CHST11: variants seen among roughly 807,000 people sequenced by gnomAD.
CHST11 encodes C4S-1.
A neutral mutation model predicts 30.4 loss-of-function variants in CHST11; 9 were observed. That is an observed-to-expected ratio of 0.30 (90% confidence interval 0.18 to 0.52). CHST11 has a LOEUF of 0.52. Among genes scored for constraint, CHST11 ranks in the 20% least tolerant of loss-of-function variants. CHST11 has a pLI of 0.97. For missense variants in CHST11, 348 were observed against 460.6 expected, an observed-to-expected ratio of 0.76 and a Z score of 2.24; for synonymous variants, 152 against 187.8, an observed-to-expected ratio of 0.81 and a Z score of 1.56.
At chr12:104,732,511 C>A (rs994952761) in intron 2 of CHST11, among the ~76,000 whole-genome samples, 3 of 152,200 alleles carry the variant, frequency 2.0e-5, no homozygotes, top group African/African-American at 7.2e-5. Flanking sequence ...GACCTTCTTG[C>A]CCTATCTCTG....
chr12:104,607,005 G>A lies in CHST11; in HGVS notation c.204+5014G>A, dbSNP rs146391122. On this transcript the variant is annotated intron_variant, in intron 2 of 2. Coordinates refer to ENST00000303694, the MANE Select transcript of CHST11 (RefSeq NM_018413.6). ...ACCTGGGAGGCGGAGGTTGCAGTGA[G>A]CCAAGATCATGCCCCTACACTCCAG... 3.4e-3 allele frequency among the ~76,000 whole-genome samples: 524 copies of A among 152,178 alleles called. 6 individuals are homozygous for A. Among genetic ancestry groups the A allele is most frequent in the African/African-American group, 0.012 (498 of 41,510 alleles).
chr12:104,725,531 T>A (rs887478284), intron 2 of CHST11, among the ~76,000 whole-genome samples: 11 of 151,756 alleles, frequency 7.2e-5, no homozygotes, highest in South Asian at 2.1e-4. Flanking sequence ...TTTTTTTTTT[T>A]TAATTCTGAG....
chr12:104,651,872 C>T (rs1199993285), intron 2 of CHST11, among the ~76,000 whole-genome samples: 2 of 152,226 alleles, frequency 1.3e-5, no homozygotes, highest in Non-Finnish European at 2.9e-5. Context: ...AGCTCCCAAT[C>T]GATGCATTTG....
rs967458214 is a variant in CHST11, at chr12:104,644,274, T to C, written c.204+42283T>C. The stretch of plus-strand genomic sequence containing the variant: ...CCCTGCATCTGGGTGGACTCCCGCA[T>C]GCACTTGCTGCATTTCGTCTCAGGT... On this transcript the variant is annotated intron_variant, in intron 2 of 2. Coordinates refer to ENST00000303694, the MANE Select transcript of CHST11 (RefSeq NM_018413.6). Among the ~76,000 whole-genome samples, 16 of 152,302 alleles carry C rather than the reference T, an allele frequency of 1.1e-4. No homozygotes were observed. The East Asian group carries it at 3.1e-3, about 29-fold the overall frequency.
At chr12:104,479,893 G>A (rs2037602837) in intron 1 of CHST11, among the ~76,000 whole-genome samples, 1 of 152,210 alleles carries the variant, frequency 6.6e-6, no homozygotes, top group South Asian at 2.1e-4. Flanking sequence ...AGTGGGAAGA[G>A]GGAGAGAGGT....
intron 1 of CHST11, among the ~76,000 whole-genome samples, chr12:104,531,479 AAG>A (rs199768769): frequency 4.7e-4 from 68 of 145,400 alleles, no homozygotes; most frequent in African/African-American, 1.2e-3. Context: ...AAAAAAAAAA[AAG>A]AGAGAGAGAG....
chr12:104,685,620 T>A (rs913471096), intron 2 of CHST11, among the ~76,000 whole-genome samples: 1 of 152,260 alleles, frequency 6.6e-6, no homozygotes, highest in Non-Finnish European at 1.5e-5. Flanking sequence ...GTAGGACTAC[T>A]GTGAGGATTA....
intron 2 of CHST11, among the ~76,000 whole-genome samples, chr12:104,690,184 C>G (rs368656355): frequency 6.6e-6 from 1 of 152,174 alleles, no homozygotes; most frequent in East Asian, 1.9e-4. Context: ...TAAAATAACA[C>G]AGTACCTATA....
intron 2 of CHST11, among the ~76,000 whole-genome samples, chr12:104,750,470 C>G (rs1039560964): frequency 2.3e-5 from 1 of 43,160 alleles, no homozygotes; most frequent in Admixed American, 3.9e-4. Flanking sequence ...GAGACTGAGT[C>G]TCGCTCTGTC....
chr12:104,702,803 G>A (rs1592847727), intron 2 of CHST11, among the ~76,000 whole-genome samples: 1 of 152,188 alleles, frequency 6.6e-6, no homozygotes, highest in African/African-American at 2.4e-5. Flanking sequence ...CCAATTCGAC[G>A]TTTCTCCAAG....
chr12:104,487,927 G>A (rs1423563917), intron 1 of CHST11, among the ~76,000 whole-genome samples: 1 of 142,280 alleles, frequency 7.0e-6, no homozygotes, highest in Non-Finnish European at 1.5e-5. Flanking sequence ...TTTATTTTTT[G>A]AGACAGAGCC....
intron 1 of CHST11, among the ~76,000 whole-genome samples, chr12:104,482,535 A>AAAATTGG: frequency 6.6e-6 from 1 of 152,022 alleles, no homozygotes; most frequent in South Asian, 2.1e-4. Flanking sequence ...GGCTTTTCCC[A>AAAATTGG]CAGAGGAAAG....
At chr12:104,516,953 T>TA (rs1287663097) in intron 1 of CHST11, among the ~76,000 whole-genome samples, 1 of 152,190 alleles carries the variant, frequency 6.6e-6, no homozygotes, top group African/African-American at 2.4e-5. Flanking sequence ...CTTCTAGAGT[T>TA]ACGAATGGTA....
At chr12:104,644,892 G>T (rs2694418) in intron 2 of CHST11, among the ~76,000 whole-genome samples, 73,686 of 152,128 alleles carry the variant, frequency 0.48, 17,884 homozygotes, top group East Asian at 0.53. Context: ...ACAGGCCCAT[G>T]GCTTATCTGC....
At chr12:104,514,194 A>G in intron 1 of CHST11, 1 of 911,432 alleles carries the variant, frequency 1.1e-6, no homozygotes, top group Non-Finnish European at 1.8e-6. Context: ...GGAGTTCCAG[A>G]CCAGTGTTGT....
chr12:104,459,031 G>C (rs1018318106), intron 1 of CHST11, among the ~76,000 whole-genome samples: 1 of 152,212 alleles, frequency 6.6e-6, no homozygotes. Context: ...CACTGCCAAG[G>C]ATATGGTCCG....
intron 2 of CHST11, among the ~76,000 whole-genome samples, chr12:104,620,033 A>T (rs12814462): frequency 2.1e-3 from 327 of 152,234 alleles, no homozygotes; most frequent in African/African-American, 7.1e-3. Flanking sequence ...CCTTCATCCT[A>T]GGTCTGATGG....
At chr12:104,543,344 T>C (rs1421618051) in intron 1 of CHST11, among the ~76,000 whole-genome samples, 4 of 152,208 alleles carry the variant, frequency 2.6e-5, no homozygotes, top group Admixed American at 2.6e-4. Context: ...CATTTCAACA[T>C]GAGATTTGGA....
At chr12:104,505,535 T>C (rs2037897328) in intron 1 of CHST11, among the ~76,000 whole-genome samples, 1 of 152,194 alleles carries the variant, frequency 6.6e-6, no homozygotes, top group Admixed American at 6.5e-5. Context: ...ACACTTTGCA[T>C]AGCAAGTTAT....
Sources: allele counts gnomAD v4.1 joint callset (sites outside exome capture counted in the v4.1 genomes callset), GRCh38; gene constraint gnomAD v4.1.1; transcripts MANE v1.5; gene names NCBI Gene and HGNC (gene_info 2026-07-23, HGNC 2026-07-21).